The following TBK1 variants were observed in gnomAD, a reference collection of about 807,000 sequenced individuals.
The protein encoded by TBK1 is serine/threonine-protein kinase TBK1.
Under a neutral mutation model 99.9 loss-of-function variants are expected in TBK1, and 37 were observed. The ratio of observed to expected loss-of-function variants is 0.37; its 90% CI spans 0.28 to 0.49. TBK1 has a LOEUF of 0.49. Among genes scored for constraint, TBK1 ranks in the 20% least tolerant of loss-of-function variants. TBK1 has a pLI of 0.98. For synonymous variants in TBK1, 258 were observed against 279.8 expected (o/e 0.92, Z 0.78); for missense variants, 644 against 872.5 (o/e 0.74, Z 3.30).
At chr12:64,495,627 G>C (rs751549737) in intron 14 of TBK1, 23 bp downstream of exon 14, 2 of 1,613,092 alleles carry the variant, frequency 1.2e-6, no homozygotes, top group Non-Finnish European at 1.7e-6. Context: ...TTTATGCGTA[G>C]TTTCTGCTCT....
At chr12:64,476,219 G>A (rs1243786518) in intron 6 of TBK1, among the ~76,000 whole-genome samples, 3 of 139,096 alleles carry the variant, frequency 2.2e-5, no homozygotes, top group Non-Finnish European at 4.6e-5. Context: ...GTGCAGTGGT[G>A]CGATCTCAGC....
chr12:64,463,266 G>A (rs2040567838), intron 3 of TBK1, among the ~76,000 whole-genome samples: 1 of 152,098 alleles, frequency 6.6e-6, no homozygotes, highest in Non-Finnish European at 1.5e-5. Flanking sequence ...CATCTATTCA[G>A]GAGGCTGAGG....
chr12:64,485,917 C>A lies in TBK1; in HGVS notation c.1249-9C>A. The A allele has an allele frequency of 6.5e-7, 1 of 1,547,314 alleles. No individual in the cohort carries two copies. The highest frequency in any genetic ancestry group is 8.7e-7 in the Non-Finnish European group (1 of 1,149,596). On this transcript the variant is annotated splice_polypyrimidine_tract_variant and intron_variant, in intron 10 of 20. Coordinates refer to ENST00000331710, the MANE Select transcript of TBK1 (RefSeq NM_013254.4). The stretch of plus-strand genomic sequence containing the variant: ...AGCACCAAATATTGACATTTTATTT[C>A]TTTATTAGGCAATAACAGGGGTTGT...
chr12:64,476,193 T>C, intron 6 of TBK1, among the ~76,000 whole-genome samples: 1 of 142,744 alleles, frequency 7.0e-6, no homozygotes, highest in Non-Finnish European at 1.5e-5. Context: ...AGTCTCGCTC[T>C]GTTGCCCAGG....
At chr12:64,486,307 A>G (rs112688229) in intron 11 of TBK1, among the ~76,000 whole-genome samples, 2 of 152,154 alleles carry the variant, frequency 1.3e-5, no homozygotes, top group Non-Finnish European at 2.9e-5. Flanking sequence ...TCATTTAACT[A>G]TGTTAGAAGT....
intron 1 of TBK1, among the ~76,000 whole-genome samples, chr12:64,453,959 C>T (rs1290098069): frequency 6.6e-6 from 1 of 152,096 alleles, no homozygotes; most frequent in Non-Finnish European, 1.5e-5. Flanking sequence ...AATTTTTGCA[C>T]CTTTCCTTTA....
intron 13 of TBK1, 146 bp from the exon 14 acceptor site, chr12:64,495,337 T>C (rs2040914565): frequency 2.9e-6 from 3 of 1,040,006 alleles, no homozygotes; most frequent in Non-Finnish European, 4.1e-6. Context: ...GAAACTCTTT[T>C]GTATTTAAAA....
chr12:64,468,986 A>G (rs919497249), intron 5 of TBK1, among the ~76,000 whole-genome samples: 1 of 151,948 alleles, frequency 6.6e-6, no homozygotes, highest in Non-Finnish European at 1.5e-5. Flanking sequence ...CTACTGCATC[A>G]GTCTGAACCC....
chr12:64,498,080 T>C (rs1430729208), intron 20 of TBK1, 41 bp downstream of exon 20: 12 of 1,516,902 alleles, frequency 7.9e-6, no homozygotes, highest in African/African-American at 6.9e-5. Context: ...TTCTGTGCAA[T>C]TGAGTTCATT....
At chr12:64,462,881 T>C (rs757713046) in intron 3 of TBK1, among the ~76,000 whole-genome samples, 2 of 152,194 alleles carry the variant, frequency 1.3e-5, no homozygotes, top group Non-Finnish European at 2.9e-5. Flanking sequence ...ACATTAAAAT[T>C]AAGGTTTAAA....
intron 6 of TBK1, among the ~76,000 whole-genome samples, chr12:64,478,756 T>A (rs1249185983): frequency 1.3e-5 from 2 of 152,206 alleles, no homozygotes; most frequent in African/African-American, 2.4e-5. Flanking sequence ...TGAAATCTCT[T>A]CATTAATAAA....
At chr12:64,500,280 TCA>T (rs1394590048) in intron 20 of TBK1, among the ~76,000 whole-genome samples, 2 of 152,130 alleles carry the variant, frequency 1.3e-5, no homozygotes, top group Admixed American at 6.5e-5. Context: ...CTGTCCCAAC[TCA>T]GTTTTCTCTC....
intron 7 of TBK1, 29 bp from the exon 8 acceptor site, chr12:64,481,813 C>G (rs1158631765): frequency 6.7e-7 from 1 of 1,489,758 alleles, no homozygotes. Flanking sequence ...TATATTCACT[C>G]TTCAAGTAAC....
chr12:64,501,585 A>G lies in TBK1; in HGVS notation c.*204A>G, dbSNP rs1414330836. ...GATGTAATTTTATCTTTTAACATTT[A>G]TAATTATATGAGGAAATTTGACCTC... is the stretch of plus-strand genomic sequence containing the variant. On this transcript the variant is annotated 3_prime_UTR_variant, in exon 21 of 21. Coordinates refer to ENST00000331710, the MANE Select transcript of TBK1 (RefSeq NM_013254.4). The G allele has an allele frequency of 1.9e-6, 1 of 515,454 alleles. No homozygotes were observed. The highest frequency in any genetic ancestry group is 3.7e-5 in the Admixed American group (1 of 26,760). 31.9% of individuals were successfully genotyped at this position (515,454 alleles called of 1,614,324 possible).
At chr12:64,479,362 A>C (rs1156616275) in intron 6 of TBK1, among the ~76,000 whole-genome samples, 1 of 152,076 alleles carries the variant, frequency 6.6e-6, no homozygotes, top group Admixed American at 6.6e-5. Flanking sequence ...TCTTTGAAAA[A>C]TCTCTTAAGG....
chr12:64,453,208 CT>C (rs1362635898), intron 1 of TBK1, among the ~76,000 whole-genome samples: 2 of 152,220 alleles, frequency 1.3e-5, no homozygotes, highest in African/African-American at 4.8e-5. Context: ...GACATTTCCC[CT>C]GACCACTATT....
chr12:64,486,906 T>G (rs536739223), intron 11 of TBK1, among the ~76,000 whole-genome samples: 2 of 152,304 alleles, frequency 1.3e-5, no homozygotes, highest in South Asian at 4.1e-4. Context: ...AGCCCTGCCC[T>G]AGGCAACCAC....
In TBK1 at chr12:64,493,478, T is replaced by C. The variant is rs147094942; in HGVS notation, c.1522-2005T>C. Among the ~76,000 whole-genome samples, 1,354 of 151,878 alleles carry C rather than the reference T, an allele frequency of 8.9e-3. 18 individuals carry two copies. Among genetic ancestry groups the C allele is most frequent in the African/African-American group, 0.031 (1,265 of 41,414 alleles). ...CGTGTCTCTAATAAAAATACAAAAA[T>C]TAGCCGGGCGTAGTGGCAGACGCTT... On this transcript the variant is annotated intron_variant, in intron 13 of 20. Coordinates refer to ENST00000331710, the MANE Select transcript of TBK1 (RefSeq NM_013254.4).
chr12:64,470,277 C>T (rs2040649031), intron 5 of TBK1, among the ~76,000 whole-genome samples: 1 of 152,060 alleles, frequency 6.6e-6, no homozygotes, highest in African/African-American at 2.4e-5. Flanking sequence ...TAAACCTGCA[C>T]ACCTAATTAA....
Sources: allele counts gnomAD v4.1 joint callset (sites outside exome capture counted in the v4.1 genomes callset), GRCh38; gene constraint gnomAD v4.1.1; transcripts MANE v1.5; gene names NCBI Gene and HGNC (gene_info 2026-07-23, HGNC 2026-07-21).